MAGI2: variants seen among roughly 807,000 people sequenced by gnomAD.
The protein encoded by MAGI2 is membrane associated guanylate kinase, WW and PDZ domain containing 2.
A neutral mutation model predicts 133.3 loss-of-function variants in MAGI2; 35 were observed. The observed-to-expected ratio is 0.26, with a 90% CI of 0.20 to 0.35. The LOEUF (loss-of-function observed/expected upper bound fraction) is 0.35, where lower values mean the gene tolerates loss of function less well. Among genes scored for constraint, MAGI2 ranks in the 10% least tolerant of loss-of-function variants. The pLI is 1.00. For synonymous variants in MAGI2, 729 were observed against 710.6 expected, an observed-to-expected ratio of 1.03 and a Z score of -0.41; for missense variants, 1,636 against 1,863.4, an observed-to-expected ratio of 0.88 and a Z score of 2.25.
intron 1 of MAGI2, among the ~76,000 whole-genome samples, chr7:79,054,183 G>A (rs188024812): frequency 1.7e-3 from 263 of 152,236 alleles, no homozygotes; most frequent in African/African-American, 6.2e-3. Context: ...GCGACATAGC[G>A]AGACTCTGTC....
At chr7:78,314,149 T>C (rs1390966840) in intron 9 of MAGI2, among the ~76,000 whole-genome samples, 1 of 152,154 alleles carries the variant, frequency 6.6e-6, no homozygotes, top group East Asian at 1.9e-4. Flanking sequence ...AATAAGACTG[T>C]AATGGACTCA....
intron 1 of MAGI2, among the ~76,000 whole-genome samples, chr7:79,066,962 G>T (rs1348558701): frequency 6.6e-6 from 1 of 151,996 alleles, no homozygotes; most frequent in Non-Finnish European, 1.5e-5. Context: ...TGTTCCATTG[G>T]TCTATATATC....
intron 5 of MAGI2, among the ~76,000 whole-genome samples, chr7:78,490,557 T>C (rs1793505313): frequency 6.6e-6 from 1 of 152,056 alleles, no homozygotes; most frequent in Non-Finnish European, 1.5e-5. Flanking sequence ...ATTCTTAAAG[T>C]AGTGTTTTTT....
intron 6 of MAGI2, among the ~76,000 whole-genome samples, chr7:78,426,047 A>T (rs1169372148): frequency 6.6e-6 from 1 of 152,250 alleles, no homozygotes; most frequent in Admixed American, 6.5e-5. Flanking sequence ...GAATGAGCAG[A>T]TGAGGACTTT....
chr7:78,153,739 A>G (rs1228860590), intron 16 of MAGI2, among the ~76,000 whole-genome samples: 2 of 152,224 alleles, frequency 1.3e-5, no homozygotes, highest in Non-Finnish European at 2.9e-5. Context: ...CAACAAAACT[A>G]ACTTAATACC....
At chr7:79,151,240 A>G (rs1259188982) in intron 1 of MAGI2, among the ~76,000 whole-genome samples, 4 of 152,126 alleles carry the variant, frequency 2.6e-5, no homozygotes, top group African/African-American at 9.7e-5. Flanking sequence ...TGTAACTTCT[A>G]TCTTGTTACC....
intron 3 of MAGI2, among the ~76,000 whole-genome samples, chr7:78,573,725 T>C (rs1801976981): frequency 1.3e-5 from 2 of 152,010 alleles, no homozygotes; most frequent in African/African-American, 4.8e-5. Flanking sequence ...GATTGTATGA[T>C]CTGTGCGAGT....
At chr7:78,198,313 G>A (rs1828910700) in intron 11 of MAGI2, among the ~76,000 whole-genome samples, 1 of 151,942 alleles carries the variant, frequency 6.6e-6, no homozygotes. Context: ...ATGAATGGAT[G>A]TCTGTGCAAC....
At chr7:78,858,912 T>C (rs559772880) in intron 2 of MAGI2, among the ~76,000 whole-genome samples, 36 of 152,300 alleles carry the variant, frequency 2.4e-4, no homozygotes, top group African/African-American at 7.9e-4. Context: ...TTTATGAATC[T>C]GGGTGCTCCT....
intron 1 of MAGI2, among the ~76,000 whole-genome samples, chr7:79,336,313 T>G (rs1408198427): frequency 6.6e-6 from 1 of 152,100 alleles, no homozygotes; most frequent in East Asian, 1.9e-4. Context: ...AGGCTTATTC[T>G]GCCCAACTTC....
At chr7:79,079,141 T>A (rs1815810294) in intron 1 of MAGI2, among the ~76,000 whole-genome samples, 1 of 152,068 alleles carries the variant, frequency 6.6e-6, no homozygotes, top group Non-Finnish European at 1.5e-5. Flanking sequence ...CCTCCTCATT[T>A]CTCAGCTGTT....
intron 1 of MAGI2, among the ~76,000 whole-genome samples, chr7:79,330,180 C>CTTT (rs544172383): frequency 0.022 from 1,327 of 59,128 alleles, 102 homozygotes; most frequent in African/African-American, 0.027. Flanking sequence ...CAATCTGCAT[C>CTTT]TTTTTTTTTT....
chr7:78,084,201 A>G (rs889071079), intron 20 of MAGI2, among the ~76,000 whole-genome samples: 2 of 152,228 alleles, frequency 1.3e-5, no homozygotes, highest in Admixed American at 6.5e-5. Context: ...CCAATAAATC[A>G]TGAATAATCT....
chr7:78,324,141 T>TACACTAC (rs1554344752), intron 9 of MAGI2, among the ~76,000 whole-genome samples: 64 of 130,122 alleles, frequency 4.9e-4, no homozygotes, highest in Middle Eastern at 4.0e-3. Flanking sequence ...TACACTACAC[T>TACACTAC]ACACTACACT....
At chr7:78,209,434 G>T (rs1218915395) in intron 10 of MAGI2, among the ~76,000 whole-genome samples, 1 of 150,884 alleles carries the variant, frequency 6.6e-6, no homozygotes, top group Non-Finnish European at 1.5e-5. Context: ...ACTAAAATTT[G>T]TATTTTTAGT....
At chr7:79,379,539 T>C (rs1479903008) in intron 1 of MAGI2, among the ~76,000 whole-genome samples, 1 of 151,994 alleles carries the variant, frequency 6.6e-6, no homozygotes, top group Non-Finnish European at 1.5e-5. Flanking sequence ...ATCGCCACAC[T>C]GTCTTCCACA....
chr7:79,015,583 G>A, intron 1 of MAGI2, among the ~76,000 whole-genome samples: 1 of 152,138 alleles, frequency 6.6e-6, no homozygotes, highest in East Asian at 1.9e-4. Context: ...TGTTGTGATG[G>A]ATCAGTACTA....
At chr7:79,376,878 A>C (rs1396440088) in intron 1 of MAGI2, among the ~76,000 whole-genome samples, 2 of 151,102 alleles carry the variant, frequency 1.3e-5, no homozygotes, top group Non-Finnish European at 3.0e-5. Flanking sequence ...GAGAAACATC[A>C]AAAGTTATTC....
intron 1 of MAGI2, among the ~76,000 whole-genome samples, chr7:79,342,308 T>A (rs912604418): frequency 5.3e-5 from 8 of 152,238 alleles, no homozygotes; most frequent in Non-Finnish European, 1.2e-4. Context: ...GTCCCCTGTG[T>A]TAAAATAGAG....
Sources: gnomAD v4.1 joint callset for allele counts (sites outside exome capture counted in the v4.1 genomes callset) on GRCh38, gnomAD v4.1.1 for gene constraint, MANE v1.5 for transcripts, NCBI Gene and HGNC (gene_info 2026-07-23, HGNC 2026-07-21) for gene names.